Variants in FRY observed in about 807,000 individuals in gnomAD.
FRY encodes FRY microtubule binding protein.
Under a neutral mutation model 348.4 loss-of-function variants are expected in FRY, and 128 were observed. The ratio of observed to expected loss-of-function variants is 0.37; its 90% CI spans 0.32 to 0.43. The LOEUF (loss-of-function observed/expected upper bound fraction) is 0.43, where lower values mean the gene tolerates loss of function less well. Among genes scored for constraint, FRY ranks in the 20% least tolerant of loss-of-function variants. The probability of loss-of-function intolerance (pLI) is 1.00; values close to 1 mark genes in which losing one functional copy is unlikely to be tolerated. For synonymous variants in FRY, 1,370 were observed against 1,374.7 expected, an observed-to-expected ratio of 1.00 and a Z score of 0.08; for missense variants, 2,736 against 3,695.2, an observed-to-expected ratio of 0.74 and a Z score of 6.73.
At chr13:32,065,730 G>C (rs146316940) in intron 1 of FRY, among the ~76,000 whole-genome samples, 13 of 152,164 alleles carry the variant, frequency 8.5e-5, no homozygotes, top group African/African-American at 2.4e-4. Context: ...CCTCCCAGTA[G>C]CTAAGACTGC....
At chr13:32,224,448 A>G (rs1885479447) in intron 37 of FRY, 63 bp downstream of exon 37, 1 of 1,515,740 alleles carries the variant, frequency 6.6e-7, no homozygotes, top group African/African-American at 1.4e-5. Flanking sequence ...ACCTATGACA[A>G]GAGAAAAACC....
At chr13:32,146,108 G>A (rs1206913598) in intron 11 of FRY, among the ~76,000 whole-genome samples, 1 of 151,662 alleles carries the variant, frequency 6.6e-6, no homozygotes, top group Non-Finnish European at 1.5e-5. Flanking sequence ...TCCAAAACAG[G>A]AGCCCTCTGC....
chr13:32,136,595 G>T (rs1879733749), intron 10 of FRY, among the ~76,000 whole-genome samples: 1 of 152,120 alleles, frequency 6.6e-6, no homozygotes, highest in African/African-American at 2.4e-5. Context: ...CTAAATCATT[G>T]AATCAGATTT....
At chr13:32,055,584 C>A (rs546665554) in intron 1 of FRY, among the ~76,000 whole-genome samples, 10 of 152,132 alleles carry the variant, frequency 6.6e-5, no homozygotes, top group Non-Finnish European at 1.2e-4. Flanking sequence ...AAGCTCTCTC[C>A]ATCTTTGGGT....
At chr13:32,125,831 A>G (rs1878985132) in intron 7 of FRY, among the ~76,000 whole-genome samples, 1 of 152,206 alleles carries the variant, frequency 6.6e-6, no homozygotes. Context: ...TTTTTAATAT[A>G]TAACACATCA....
rs1566065125 is a variant in FRY at position 32,090,446 on chromosome 13, T to TGAGAGAAAGACCG, written c.270+11414_270+11426dup. Among the ~76,000 whole-genome samples, 4 of 150,886 alleles carry TGAGAGAAAGACCG rather than the reference T, an allele frequency of 2.7e-5. No individual in the cohort carries two copies. In the South Asian group the frequency reaches 8.4e-4, roughly 32 times the overall value. ...GAAAAGGTTTAAGCATGTTGATAGC[T>TGAGAGAAAGACCG]GAGAGAAAGACCGAAGAGAAGGGAA... On this transcript the variant is annotated intron_variant, in intron 2 of 60. Transcript: ENST00000542859.
intron 60 of FRY, 46 bp from the exon 61 acceptor site, chr13:32,295,156 T>C: frequency 6.3e-7 from 1 of 1,596,036 alleles, no homozygotes; most frequent in South Asian, 1.1e-5. Flanking sequence ...CTCCCAACTT[T>C]GTGACTAATA....
intron 1 of FRY, among the ~76,000 whole-genome samples, chr13:32,042,731 C>T (rs1313774372): frequency 6.6e-6 from 1 of 152,230 alleles, no homozygotes; most frequent in Admixed American, 6.5e-5. Context: ...TCTCAGCAAA[C>T]TTCCTCTTGC....
At chr13:32,161,482 G>A (rs1435455137) in intron 17 of FRY, among the ~76,000 whole-genome samples, 11 of 152,350 alleles carry the variant, frequency 7.2e-5, no homozygotes, top group African/African-American at 2.6e-4. Flanking sequence ...CAAAGCCTGT[G>A]TTGTGCAAAC....
At chr13:32,100,097 A>ATT (rs1877054019) in intron 2 of FRY, among the ~76,000 whole-genome samples, 1 of 147,354 alleles carries the variant, frequency 6.8e-6, no homozygotes. Context: ...TCAACTTTTT[A>ATT]TTTTATTTTA....
At chr13:32,108,804 C>T (rs548273493) in intron 3 of FRY, among the ~76,000 whole-genome samples, 1 of 152,258 alleles carries the variant, frequency 6.6e-6, no homozygotes, top group East Asian at 1.9e-4. Context: ...ATAGAGCCCC[C>T]ATAGACTCAG....
intron 31 of FRY, among the ~76,000 whole-genome samples, chr13:32,208,496 A>T (rs571740837): frequency 6.6e-6 from 1 of 152,352 alleles, no homozygotes; most frequent in Non-Finnish European, 1.5e-5. Flanking sequence ...GTCACATGCC[A>T]CTAGTATGTG....
At chr13:32,127,694 G>A (rs1183839806) in intron 7 of FRY, among the ~76,000 whole-genome samples, 2 of 151,982 alleles carry the variant, frequency 1.3e-5, no homozygotes, top group African/African-American at 4.8e-5. Context: ...CAGGAGAATC[G>A]CTTGAACCCG....
intron 21 of FRY, 64 bp from the exon 22 acceptor site, chr13:32,178,780 T>G (rs1882521951): frequency 4.6e-6 from 5 of 1,096,442 alleles, no homozygotes; most frequent in Non-Finnish European, 4.2e-6. Context: ...TGATCTTTAT[T>G]TAATAAGTGA....
chr13:32,183,938 A>G (rs2138259446), intron 24 of FRY, among the ~76,000 whole-genome samples: 1 of 152,218 alleles, frequency 6.6e-6, no homozygotes, highest in East Asian at 1.9e-4. Flanking sequence ...AGAGTTTGAG[A>G]CCAGGCTGGG....
chr13:32,040,669 A>C (rs1307375022), intron 1 of FRY, among the ~76,000 whole-genome samples: 1 of 152,214 alleles, frequency 6.6e-6, no homozygotes, highest in Non-Finnish European at 1.5e-5. Flanking sequence ...TTTTGCAGTT[A>C]AATCACTGTA....
rs538369002 is a variant in FRY at position 32,278,396 on chromosome 13, G to A, written c.8386-69G>A. 66 of 855,164 alleles carry A rather than the reference G, an allele frequency of 7.7e-5. No homozygotes were observed. The South Asian group carries it at 8.8e-4, about 11-fold the overall frequency. The allele number at this position is 855,164 out of a possible 1,614,324, so 53.0% of individuals were successfully genotyped here. A position where few individuals can be genotyped will look rare whatever the true frequency, so the allele number is the denominator to read the frequency against. On this transcript the variant is annotated intron_variant, in intron 57 of 60. Transcript: ENST00000542859. ...GAACTTTAATGAATTTTTTCCTAAT[G>A]GAATTATACCAAAAATGTTCTCAGA...
rs755880817 is a variant in FRY at position 32,202,518 on chromosome 13, C to A, written c.4009C>A (p.Leu1337Ile). Reference protein sequence around the residue: ...ARMYPELTLPLFSEVSQRFPT... With the variant: ...ARMYPELTLPIFSEVSQRFPT... ...GATGTACCCTGAGCTCACACTCCCC[C>A]TCTTCTCAGGTACCAGGCAATAGTC... Residue 1337 changes from leucine (L) to isoleucine (I), a missense_variant, in exon 31 of 61, where the codon CTC becomes ATC. Leu to Ile is a conservative substitution (Grantham distance 5). This residue lies in a region of FRY where 794 missense variants were observed against 977.0 expected (regional missense o/e 0.81). Coordinates refer to ENST00000542859, the MANE Select transcript of FRY (RefSeq NM_023037.3). The A allele has an allele frequency of 6.2e-7, 1 of 1,612,840 alleles. No homozygotes were observed. The highest frequency in any genetic ancestry group is 8.5e-7 in the Non-Finnish European group (1 of 1,178,846).
chr13:32,065,549 T>C (rs1874202209), intron 1 of FRY, among the ~76,000 whole-genome samples: 1 of 151,896 alleles, frequency 6.6e-6, no homozygotes, highest in Non-Finnish European at 1.5e-5. Flanking sequence ...CAAGCAATCC[T>C]CCTGTCTTGG....
Sources: allele counts gnomAD v4.1 joint callset (sites outside exome capture counted in the v4.1 genomes callset), GRCh38; gene constraint gnomAD v4.1.1; regional missense constraint gnomAD v4.1.1; transcripts MANE v1.5; gene names NCBI Gene and HGNC (gene_info 2026-07-23, HGNC 2026-07-21).